The following LAMC2 variants were observed in gnomAD, a reference collection of about 807,000 sequenced individuals.
LAMC2 encodes the protein laminin subunit gamma-2.
A neutral mutation model predicts 140.2 loss-of-function variants in LAMC2; 97 were observed. The observed-to-expected ratio is 0.69, with a 90% CI of 0.59 to 0.82. LAMC2 has a LOEUF of 0.82. LAMC2 is among the 40% of genes least tolerant of loss of function. LAMC2 has a pLI of 0.00. For synonymous variants in LAMC2, 513 were observed against 540.2 expected (o/e 0.95, Z 0.70); for missense variants, 1,402 against 1,476.1 (o/e 0.95, Z 0.82).
At position 183,201,356 on chromosome 1, in the gene LAMC2, C is replaced by T. The variant is rs186830545; in HGVS notation, c.80-6525C>T. On this transcript the variant is annotated intron_variant, in intron 1 of 22. Coordinates refer to ENST00000264144, the MANE Select transcript of LAMC2 (RefSeq NM_005562.3). ...CTTAATGCCAGATCCCGAACCCATA[C>T]CTGGGTTCCAACACACAAATCCTTG... Among the ~76,000 whole-genome samples the T allele has an allele frequency of 5.2e-4, 79 of 152,114 alleles. No individual in the cohort carries two copies. The East Asian group carries it at 0.015, about 29-fold the overall frequency.
chr1:183,232,884 G>A (rs1445623208), intron 14 of LAMC2, 27 bp downstream of exon 14: 1 of 1,603,668 alleles, frequency 6.2e-7, no homozygotes, highest in Non-Finnish European at 8.5e-7. Context: ...CTAGAGTATT[G>A]AGAATACTGC....
intron 2 of LAMC2, among the ~76,000 whole-genome samples, chr1:183,211,916 CA>C (rs546819443): frequency 3.6e-4 from 55 of 152,206 alleles, no homozygotes; most frequent in African/African-American, 1.3e-3. Flanking sequence ...AAATTTGAAA[CA>C]GGAAGTTATT....
At position 183,199,819 on chromosome 1, in the gene LAMC2, A is replaced by T. The variant is rs75087591; in HGVS notation, c.80-8062A>T. 9.8e-4 allele frequency among the ~76,000 whole-genome samples: 149 copies of T among 152,278 alleles called. 1 individual carries two copies. The East Asian group carries it at 0.023, about 23-fold the overall frequency. Reference sequence around the variant, plus strand: ...AAATAGATTTAGGGAGGGTGGAAGCAGGGAGTGCTCCTGATAAAGGAAATA... The same window carrying T: ...AAATAGATTTAGGGAGGGTGGAAGCTGGGAGTGCTCCTGATAAAGGAAATA... On this transcript the variant is annotated intron_variant, in intron 1 of 22. Coordinates refer to ENST00000264144, the MANE Select transcript of LAMC2 (RefSeq NM_005562.3).
Position 183,228,317 on chromosome 1 carries a change from G to T in LAMC2, c.1469-57G>T. The T allele has an allele frequency of 1.2e-6, 2 of 1,612,958 alleles. No individual in the cohort carries two copies. Among genetic ancestry groups the T allele is most frequent in the South Asian group, 2.2e-5 (2 of 90,874 alleles). ...GTGACTCGCAACTTTAGGCCTCTGC[G>T]TCTGGTCTTCCTCCTGATGGATGTC... On this transcript the variant is annotated intron_variant, in intron 10 of 22. Coordinates refer to ENST00000264144, the MANE Select transcript of LAMC2 (RefSeq NM_005562.3). The surrounding 1 kb of genome is among the most constrained non-coding windows in gnomAD (Gnocchi z 4.3).
chr1:183,224,034 A>G (rs1396929175), intron 7 of LAMC2, among the ~76,000 whole-genome samples: 1 of 152,140 alleles, frequency 6.6e-6, no homozygotes, highest in Admixed American at 6.6e-5. Flanking sequence ...TACAATGTAT[A>G]ACATGTCAAA....
In LAMC2 at chr1:183,240,398, G is replaced by A. The variant is rs781749151; in HGVS notation, c.3328+7G>A. On this transcript the variant is annotated splice_region_variant and intron_variant, in intron 22 of 22. Transcript: ENST00000264144. ...GGCCTCCTGCATCTGATGGGTATGTGAACCCACAACCCACAACCTTCCAGC... is the reference window on the plus strand; with the variant it reads ...GGCCTCCTGCATCTGATGGGTATGTAAACCCACAACCCACAACCTTCCAGC... The A allele has an allele frequency of 1.2e-6, 2 of 1,614,160 alleles. No individual in the cohort carries two copies. The highest frequency in any genetic ancestry group is 4.5e-5 in the East Asian group (2 of 44,882).
chr1:183,223,302 C>A lies in LAMC2; in HGVS notation c.931C>A (p.Leu311Ile). The change falls in exon 7 of 23, where the codon CTC (leucine) becomes ATC (isoleucine). Residue 311 changes from leucine (L) to isoleucine (I), a missense_variant. Physicochemically the swap from Leu to Ile is conservative, Grantham distance 5 (BLOSUM62 2). Coordinates refer to ENST00000264144, the MANE Select transcript of LAMC2 (RefSeq NM_005562.3). Reference protein sequence around the residue: ...MPLGKTLPCGLTKTYTFRLNE... With the variant: ...MPLGKTLPCGITKTYTFRLNE... The stretch of plus-strand genomic sequence containing the variant: ...ACTTGGCAAGACACTGCCTTGTGGG[C>A]TCACCAAGACTTACACATTCAGGTA... 1 of 1,614,092 alleles carries A rather than the reference C, an allele frequency of 6.2e-7. No individual in the cohort carries two copies. The highest frequency in any genetic ancestry group is 8.5e-7 in the Non-Finnish European group (1 of 1,180,000).
the LAMC2 span, among the ~76,000 whole-genome samples, chr1:183,253,404 TCTCA>T: frequency 6.6e-6 from 1 of 151,134 alleles, no homozygotes; most frequent in Non-Finnish European, 1.5e-5. Flanking sequence ...ATATCCATCA[TCTCA>T]CTCAGATATG....
intron 1 of LAMC2, among the ~76,000 whole-genome samples, chr1:183,200,130 C>T (rs1658659874): frequency 6.6e-6 from 1 of 152,104 alleles, no homozygotes; most frequent in Non-Finnish European, 1.5e-5. Context: ...GTGGCTCAGG[C>T]CTGTAATCCC....
chr1:183,257,017 G>A, the LAMC2 span, among the ~76,000 whole-genome samples: 1 of 152,064 alleles, frequency 6.6e-6, no homozygotes, highest in Non-Finnish European at 1.5e-5. Flanking sequence ...CTCCCAAAGT[G>A]CTAGGATTAC....
intron 14 of LAMC2, among the ~76,000 whole-genome samples, chr1:183,233,409 T>G (rs1659856058): frequency 6.6e-6 from 1 of 152,194 alleles, no homozygotes; most frequent in East Asian, 1.9e-4. Flanking sequence ...ATTTTCTTGA[T>G]GTAGTTTGTA....
intron 1 of LAMC2, 25 bp from the exon 2 acceptor site, chr1:183,207,856 T>C (rs961512949): frequency 6.9e-7 from 1 of 1,442,052 alleles, no homozygotes. Context: ...TTTTTGACGA[T>C]CTCTTTTGTA....
intron 7 of LAMC2, among the ~76,000 whole-genome samples, chr1:183,224,089 T>C (rs190026878): frequency 2.0e-5 from 3 of 152,176 alleles, no homozygotes; most frequent in African/African-American, 4.8e-5. Context: ...GGGTGGTGCA[T>C]GTTCATGGGG....
At chr1:183,216,179 C>T (rs905220085) in intron 3 of LAMC2, among the ~76,000 whole-genome samples, 3 of 152,156 alleles carry the variant, frequency 2.0e-5, no homozygotes, top group South Asian at 4.1e-4. Flanking sequence ...ACAGAGGAGG[C>T]GCGTCCCATT....
Position 183,241,709 on chromosome 1 carries a change from G to A in LAMC2, c.3328+1318G>A, listed in dbSNP as rs142582468. 2.0e-4 allele frequency among the ~76,000 whole-genome samples: 31 copies of A among 152,004 alleles called. No individual in the cohort carries two copies. In the East Asian group the frequency reaches 4.8e-3, roughly 24 times the overall value. ...CTGAGATGCCAATGTCATCTGTGTTGTTATAGTCTTGGGTCTGCTTTGTGA... is the reference window on the plus strand; with the variant it reads ...CTGAGATGCCAATGTCATCTGTGTTATTATAGTCTTGGGTCTGCTTTGTGA... On this transcript the variant is annotated intron_variant, in intron 22 of 22. Transcript: ENST00000264144.
At chr1:183,186,582 C>CCAGGGCTCCA in intron 1 of LAMC2, 151 bp downstream of exon 1, 2 of 765,398 alleles carry the variant, frequency 2.6e-6, no homozygotes, top group Non-Finnish European at 4.2e-6. Context: ...TGGGGCTCCT[C>CCAGGGCTCCA]CAGAGACGGA....
intron 8 of LAMC2, 39 bp downstream of exon 8, chr1:183,225,759 TGTTA>T: frequency 7.2e-7 from 1 of 1,396,244 alleles, no homozygotes; most frequent in Non-Finnish European, 1.0e-6. Context: ...TCTTCTTAGG[TGTTA>T]GTTTAATTTG....
At chr1:183,252,211 A>G in the LAMC2 span, 5,637 of 169,308 alleles carry the variant, frequency 0.033, 358 homozygotes, top group African/African-American at 0.13. Context: ...CTGGGAAGGC[A>G]AGAGCCAGAG....
At chr1:183,256,324 A>C in the LAMC2 span, among the ~76,000 whole-genome samples, 1 of 152,026 alleles carries the variant, frequency 6.6e-6, no homozygotes, top group Non-Finnish European at 1.5e-5. Context: ...CAGGAGAATC[A>C]CGTGAACCCA....
Sources: gnomAD v4.1 joint callset for allele counts (sites outside exome capture counted in the v4.1 genomes callset) on GRCh38, gnomAD v4.1.1 for gene constraint, Gnocchi (gnomAD v3.1) non-coding constraint, MANE v1.5 for transcripts, NCBI Gene and HGNC (gene_info 2026-07-23, HGNC 2026-07-21) for gene names.